EPB41L4A: variants seen among roughly 807,000 people sequenced by gnomAD.
EPB41L4A encodes the protein erythrocyte membrane protein band 4.1 like 4A.
Under a neutral mutation model 108.6 loss-of-function variants are expected in EPB41L4A, and 100 were observed. The ratio of observed to expected loss-of-function variants is 0.92; its 90% CI spans 0.78 to 1.09. The LOEUF (loss-of-function observed/expected upper bound fraction) is 1.09, where lower values mean the gene tolerates loss of function less well. Ranked by LOEUF, EPB41L4A falls within the 50% of genes least tolerant of loss-of-function variation. The probability of loss-of-function intolerance (pLI) is 0.00; values close to 1 mark genes in which losing one functional copy is unlikely to be tolerated. For synonymous variants in EPB41L4A, 319 were observed against 289.0 expected (o/e 1.10, Z -1.05); for missense variants, 1,030 against 842.7 (o/e 1.22, Z -2.75).
chr5:112,219,539 A>G (rs981180299), intron 12 of EPB41L4A, among the ~76,000 whole-genome samples: 1 of 152,178 alleles, frequency 6.6e-6, no homozygotes, highest in African/African-American at 2.4e-5. Context: ...ATACTTCTCT[A>G]TGACAAAATA....
chr5:112,390,986 T>C (rs1267705850), intron 1 of EPB41L4A, among the ~76,000 whole-genome samples: 5 of 152,298 alleles, frequency 3.3e-5, no homozygotes, highest in South Asian at 4.1e-4. Context: ...GGGACCTGAC[T>C]GTTAGAAGGA....
chr5:112,340,102 G>A (rs556827421), intron 1 of EPB41L4A, among the ~76,000 whole-genome samples: 14 of 152,082 alleles, frequency 9.2e-5, no homozygotes, highest in Non-Finnish European at 1.0e-4. Flanking sequence ...ACGGAGGAGA[G>A]CCCATCGACC....
At chr5:112,378,882 T>C (rs534310688) in intron 1 of EPB41L4A, among the ~76,000 whole-genome samples, 13 of 152,286 alleles carry the variant, frequency 8.5e-5, no homozygotes, top group East Asian at 1.9e-4. Flanking sequence ...ATGGCTTAAG[T>C]CTAGTTCTAA....
intron 1 of EPB41L4A, among the ~76,000 whole-genome samples, chr5:112,390,420 A>G (rs1271754596): frequency 6.6e-6 from 1 of 152,102 alleles, no homozygotes; most frequent in Non-Finnish European, 1.5e-5. Flanking sequence ...AGTGGGTCTC[A>G]CACCCACGGA....
intron 13 of EPB41L4A, among the ~76,000 whole-genome samples, chr5:112,208,154 G>A (rs1383224382): frequency 6.8e-6 from 1 of 148,096 alleles, no homozygotes; most frequent in Admixed American, 6.9e-5. Context: ...GCTGAGGCAG[G>A]AGAATCGCTT....
intron 1 of EPB41L4A, among the ~76,000 whole-genome samples, chr5:112,311,814 A>C (rs1383459670): frequency 1.3e-5 from 2 of 152,190 alleles, no homozygotes; most frequent in Admixed American, 1.3e-4. Flanking sequence ...GAATGCTGGC[A>C]TATGAAGATA....
intron 1 of EPB41L4A, among the ~76,000 whole-genome samples, chr5:112,406,240 C>T (rs1212403345): frequency 6.6e-6 from 1 of 152,178 alleles, no homozygotes; most frequent in Non-Finnish European, 1.5e-5. Context: ...CCATCTGAAA[C>T]CTTTCAACGA....
chr5:112,261,590 G>A (rs1445955373), intron 7 of EPB41L4A, among the ~76,000 whole-genome samples: 2 of 151,490 alleles, frequency 1.3e-5, no homozygotes, highest in African/African-American at 4.8e-5. Context: ...TAGCTCAAAG[G>A]TTAAAACCCG....
In EPB41L4A at chr5:112,318,894, G is replaced by T. The variant is rs567038306; in HGVS notation, c.100-11404C>A. The stretch of plus-strand genomic sequence containing the variant: ...AAACCTCAAGAATTTCCAGTTAAAT[G>T]CTATTTCATACTCCCCTTCAATCTC... On this transcript the variant is annotated intron_variant, in intron 1 of 22. Transcript: ENST00000261486. Among the ~76,000 whole-genome samples, 6 of 152,112 alleles carry T rather than the reference G, an allele frequency of 3.9e-5. No individual in the cohort carries two copies. In the South Asian group the frequency reaches 1.2e-3, roughly 31 times the overall value.
intron 12 of EPB41L4A, among the ~76,000 whole-genome samples, chr5:112,152,011 C>T (rs927413617): frequency 6.6e-6 from 1 of 152,130 alleles, no homozygotes; most frequent in East Asian, 1.9e-4. Context: ...GGATTACAGG[C>T]GTGAGCCACC....
chr5:112,179,552 C>A (rs138084642), intron 18 of EPB41L4A, among the ~76,000 whole-genome samples: 1 of 152,092 alleles, frequency 6.6e-6, no homozygotes, highest in Non-Finnish European at 1.5e-5. Flanking sequence ...AATTCCTCCA[C>A]GAACACAATA....
rs28652964 is a variant in EPB41L4A, at chr5:112,377,083, T to C, written c.99+41858A>G. Among the ~76,000 whole-genome samples the C allele has an allele frequency of 7.2e-3, 1,094 of 152,096 alleles. 8 individuals carry two copies. The highest frequency in any genetic ancestry group is 0.01 in the Non-Finnish European group (701 of 67,996). ...AGCCAGGCACTGTGTCACACACCTG[T>C]GGTCCCAGCTCCTCAGGAGGCTGAG... is the stretch of plus-strand genomic sequence containing the variant. On this transcript the variant is annotated intron_variant, in intron 1 of 22. Transcript: ENST00000261486.
chr5:112,160,067 A>C (rs1427051140), downstream of EPB41L4A, among the ~76,000 whole-genome samples: 1 of 150,968 alleles, frequency 6.6e-6, no homozygotes, highest in Admixed American at 6.6e-5. Flanking sequence ...CCCGCCACCA[A>C]GCCCAAGTAA....
intron 12 of EPB41L4A, among the ~76,000 whole-genome samples, chr5:112,229,987 C>CAAAA (rs71224877): frequency 1.3e-5 from 1 of 77,224 alleles, no homozygotes; most frequent in Non-Finnish European, 2.6e-5. Flanking sequence ...GACTCTGTCT[C>CAAAA]AAAAAAAAAA....
intron 12 of EPB41L4A, among the ~76,000 whole-genome samples, chr5:112,211,097 C>G (rs1195475806): frequency 6.6e-6 from 1 of 152,292 alleles, no homozygotes; most frequent in East Asian, 1.9e-4. Flanking sequence ...AATGTTATCT[C>G]ATTTTAAAAG....
chr5:112,360,465 G>C (rs1167062542), intron 1 of EPB41L4A, among the ~76,000 whole-genome samples: 1 of 152,188 alleles, frequency 6.6e-6, no homozygotes, highest in African/African-American at 2.4e-5. Flanking sequence ...GGTGGAGACG[G>C]GGTTTCGCCA....
chr5:112,202,474 T>A (rs756934139), intron 15 of EPB41L4A, among the ~76,000 whole-genome samples: 2 of 152,226 alleles, frequency 1.3e-5, no homozygotes, highest in East Asian at 3.9e-4. Context: ...TAGAATCACA[T>A]CATGCCTGAA....
intron 12 of EPB41L4A, among the ~76,000 whole-genome samples, chr5:112,230,318 A>T (rs999790319): frequency 6.6e-6 from 1 of 152,196 alleles, no homozygotes; most frequent in African/African-American, 2.4e-5. Flanking sequence ...TATTTTCCAC[A>T]GTGGTTATTC....
chr5:112,244,124 C>T (rs1005576417), intron 9 of EPB41L4A, among the ~76,000 whole-genome samples: 2 of 152,128 alleles, frequency 1.3e-5, no homozygotes, highest in Non-Finnish European at 2.9e-5. Flanking sequence ...TTCAGTTGAA[C>T]CCTTAGAGGT....
Sources: gnomAD v4.1 joint callset for allele counts (sites outside exome capture counted in the v4.1 genomes callset) on GRCh38, gnomAD v4.1.1 for gene constraint, MANE v1.5 for transcripts, NCBI Gene and HGNC (gene_info 2026-07-23, HGNC 2026-07-21) for gene names.